The following CSRNP3 variants were observed in gnomAD, a reference collection of about 807,000 sequenced individuals.
CSRNP3 encodes the protein cysteine and serine rich nuclear protein 3, also known as cysteine/serine-rich nuclear protein 3.
A neutral mutation model predicts 48.0 loss-of-function variants in CSRNP3; 12 were observed. The ratio of observed to expected loss-of-function variants is 0.25; its 90% CI spans 0.16 to 0.41. The LOEUF is 0.41. CSRNP3 is among the 10% of genes least tolerant of loss of function. CSRNP3 has a pLI of 1.00. For missense variants in CSRNP3, 580 were observed against 724.4 expected, an observed-to-expected ratio of 0.80 and a Z score of 2.29; for synonymous variants, 263 against 269.7, an observed-to-expected ratio of 0.98 and a Z score of 0.24.
Position 165,595,029 on chromosome 2 carries a change from C to T in CSRNP3, c.-23-14C>T, listed in dbSNP as rs143017674. ...AAATATTTCAATGCTCTGTTGCTCT[C>T]CTTCCTGTTACAGGTACATGTGACA... On this transcript the variant is annotated splice_polypyrimidine_tract_variant and intron_variant, in intron 3 of 6. Transcript: ENST00000651982. The T allele has an allele frequency of 1.3e-3, 2,122 of 1,609,556 alleles. 28 individuals are homozygous for T. The East Asian group carries it at 0.028, about 21-fold the overall frequency.
chr2:165,580,163 C>T (rs983371822), intron 3 of CSRNP3, among the ~76,000 whole-genome samples: 6 of 151,898 alleles, frequency 4.0e-5, no homozygotes, highest in Admixed American at 2.6e-4. Context: ...CTCCTGACCT[C>T]GTGATCCGCC....
At chr2:165,628,596 C>T (rs1433361182) in intron 4 of CSRNP3, among the ~76,000 whole-genome samples, 4 of 151,938 alleles carry the variant, frequency 2.6e-5, no homozygotes, top group South Asian at 2.1e-4. Flanking sequence ...TGGTGGTGGG[C>T]GCCTATAATC....
At chr2:165,515,334 A>AAAC (rs1328902699) in intron 2 of CSRNP3, among the ~76,000 whole-genome samples, 1 of 118,978 alleles carries the variant, frequency 8.4e-6, no homozygotes, top group South Asian at 2.9e-4. Flanking sequence ...AAAAAAAAAA[A>AAAC]ATACATATAT....
intron 4 of CSRNP3, among the ~76,000 whole-genome samples, chr2:165,631,892 C>A (rs1009924699): frequency 4.6e-5 from 7 of 152,178 alleles, no homozygotes; most frequent in Admixed American, 6.5e-5. Flanking sequence ...GCTCACAAAG[C>A]CAAATGGTTA....
chr2:165,660,372 T>A (rs1687076283), intron 5 of CSRNP3, among the ~76,000 whole-genome samples: 1 of 97,820 alleles, frequency 1.0e-5, no homozygotes, highest in Admixed American at 1.1e-4. Context: ...CTCATCCAAA[T>A]AGAAAATGGA....
chr2:165,649,934 T>G (rs772036168), intron 4 of CSRNP3, among the ~76,000 whole-genome samples: 13 of 152,144 alleles, frequency 8.5e-5, no homozygotes, highest in Non-Finnish European at 1.8e-4. Flanking sequence ...GCCCATTGTT[T>G]AAGGTGGGTT....
chr2:165,621,696 G>A (rs1686342882), intron 4 of CSRNP3, among the ~76,000 whole-genome samples: 1 of 151,968 alleles, frequency 6.6e-6, no homozygotes, highest in African/African-American at 2.4e-5. Context: ...TCTATTTGTT[G>A]TTGTTGTACC....
chr2:165,579,469 T>G (rs1008413706), intron 3 of CSRNP3, among the ~76,000 whole-genome samples: 2 of 152,192 alleles, frequency 1.3e-5, no homozygotes, highest in African/African-American at 4.8e-5. Context: ...GCTCTACTAT[T>G]TTTCCATTCT....
At chr2:165,668,401 C>CTTTTTTTT (rs71393687) in intron 5 of CSRNP3, among the ~76,000 whole-genome samples, 128 of 111,480 alleles carry the variant, frequency 1.1e-3, no homozygotes, top group East Asian at 2.2e-3. Context: ...TTCTTTCTTT[C>CTTTTTTTT]TTTTTTTTTT....
intron 5 of CSRNP3, among the ~76,000 whole-genome samples, chr2:165,671,256 T>G (rs1349709698): frequency 6.6e-6 from 1 of 151,978 alleles, no homozygotes; most frequent in Non-Finnish European, 1.5e-5. Context: ...CTATTTGAGA[T>G]AGAAAAAAAG....
At chr2:165,573,333 T>G (rs1279510461) in intron 3 of CSRNP3, among the ~76,000 whole-genome samples, 6 of 152,164 alleles carry the variant, frequency 3.9e-5, no homozygotes, top group Non-Finnish European at 5.9e-5. Flanking sequence ...GGCTTACCAT[T>G]TAGAAAGATT....
chr2:165,595,803 A>C (rs1358264603), intron 4 of CSRNP3, among the ~76,000 whole-genome samples: 1 of 151,876 alleles, frequency 6.6e-6, no homozygotes, highest in Admixed American at 6.6e-5. Flanking sequence ...TTGTATTTTT[A>C]AGGTTTTTGT....
At chr2:165,499,555 T>C (rs1453155084) in intron 2 of CSRNP3, among the ~76,000 whole-genome samples, 3 of 152,098 alleles carry the variant, frequency 2.0e-5, no homozygotes, top group African/African-American at 7.2e-5. Flanking sequence ...GCTGGGAATG[T>C]TTTAGGGCCA....
intron 4 of CSRNP3, among the ~76,000 whole-genome samples, chr2:165,627,644 C>G (rs1686460795): frequency 6.6e-6 from 1 of 152,150 alleles, no homozygotes; most frequent in Non-Finnish European, 1.5e-5. Context: ...CCCTCCACTA[C>G]TAGATATAAC....
chr2:165,506,046 T>C (rs114561601), intron 2 of CSRNP3, among the ~76,000 whole-genome samples: 2,405 of 152,184 alleles, frequency 0.016, 60 homozygotes, highest in African/African-American at 0.054. Context: ...CAAATGATAC[T>C]CTCAATACCT....
At chr2:165,655,501 A>G (rs1192209826) in intron 4 of CSRNP3, among the ~76,000 whole-genome samples, 2 of 152,220 alleles carry the variant, frequency 1.3e-5, no homozygotes, top group Non-Finnish European at 2.9e-5. Flanking sequence ...GTTGAATTAT[A>G]GCATTTTGCC....
At chr2:165,545,094 A>G (rs1382937359) in intron 3 of CSRNP3, among the ~76,000 whole-genome samples, 1 of 152,248 alleles carries the variant, frequency 6.6e-6, no homozygotes, top group East Asian at 1.9e-4. Context: ...ATAAAAGGGG[A>G]ACTGAGAATT....
intron 3 of CSRNP3, among the ~76,000 whole-genome samples, chr2:165,547,419 C>T (rs948419223): frequency 3.3e-5 from 5 of 152,022 alleles, no homozygotes; most frequent in Non-Finnish European, 4.4e-5. Flanking sequence ...GAGCCTGCTT[C>T]CCAGTCCCTT....
chr2:165,551,450 G>A (rs963536821), intron 3 of CSRNP3, among the ~76,000 whole-genome samples: 1 of 152,122 alleles, frequency 6.6e-6, no homozygotes, highest in African/African-American at 2.4e-5. Flanking sequence ...TTTCTCTGTT[G>A]TCCCTTGGTG....
Sources: gnomAD v4.1 joint callset for allele counts (sites outside exome capture counted in the v4.1 genomes callset) on GRCh38, gnomAD v4.1.1 for gene constraint, MANE v1.5 for transcripts, NCBI Gene and HGNC (gene_info 2026-07-23, HGNC 2026-07-21) for gene names.